Variants in RPAP2 observed in about 807,000 individuals in gnomAD.
The protein encoded by RPAP2 is putative RNA polymerase II subunit B1 CTD phosphatase RPAP2.
A neutral mutation model predicts 73.1 loss-of-function variants in RPAP2; 52 were observed. That is an observed-to-expected ratio of 0.71 (90% CI 0.57 to 0.90). The LOEUF (loss-of-function observed/expected upper bound fraction) is 0.90, where lower values mean the gene tolerates loss of function less well. Ranked by LOEUF, RPAP2 falls within the 40% of genes least tolerant of loss-of-function variation. The pLI, the probability that RPAP2 is intolerant of heterozygous loss-of-function variation, is 0.00. For synonymous variants in RPAP2, 225 were observed against 242.1 expected, an observed-to-expected ratio of 0.93 and a Z score of 0.65; for missense variants, 598 against 701.8, an observed-to-expected ratio of 0.85 and a Z score of 1.67.
At chr1:92,347,792 T>C (rs1275228050) in intron 11 of RPAP2, among the ~76,000 whole-genome samples, 1 of 152,230 alleles carries the variant, frequency 6.6e-6, no homozygotes, top group African/African-American at 2.4e-5. Context: ...GGATATAATG[T>C]AGGGAACCTC....
intron 3 of RPAP2, 33 bp from the exon 4 acceptor site, chr1:92,303,944 C>G (rs748516957): frequency 7.0e-7 from 1 of 1,438,038 alleles, no homozygotes; most frequent in Non-Finnish European, 9.7e-7. Context: ...TTCTATTAAA[C>G]TAGGAGGAAA....
intron 6 of RPAP2, among the ~76,000 whole-genome samples, chr1:92,312,801 C>T (rs1226528543): frequency 6.6e-6 from 1 of 151,972 alleles, no homozygotes; most frequent in Non-Finnish European, 1.5e-5. Context: ...CCCATGAATC[C>T]CAAATGTTCT....
At chr1:92,377,455 T>A (rs1236324274) in intron 11 of RPAP2, among the ~76,000 whole-genome samples, 1 of 143,876 alleles carries the variant, frequency 7.0e-6, no homozygotes, top group South Asian at 2.2e-4. Flanking sequence ...GAGGCGGAGG[T>A]TGCAGTGAGC....
In RPAP2 at chr1:92,400,193, C is replaced by A. The variant is rs1656280620; in HGVS notation, c.*13182C>A. ...CCCACTTGGGATTAGGGAAGCCACC[C>A]TCTGTGAGTGAGTTAAACTGAGATT... On this transcript the variant is annotated 3_prime_UTR_variant, in exon 13 of 13. Coordinates refer to ENST00000610020, the MANE Select transcript of RPAP2 (RefSeq NM_024813.3). The A allele has an allele frequency of 6.6e-6, 1 of 152,224 alleles. No individual in the cohort carries two copies. The highest frequency in any genetic ancestry group is 2.4e-5 in the African/African-American group (1 of 41,462). 9.4% of individuals were successfully genotyped at this position (152,224 alleles called of 1,614,324 possible).
At chr1:92,326,975 C>G (rs1348137955) in intron 8 of RPAP2, among the ~76,000 whole-genome samples, 2 of 152,188 alleles carry the variant, frequency 1.3e-5, no homozygotes, top group East Asian at 3.8e-4. Flanking sequence ...CAGGAGACTT[C>G]CTGTTCATTT....
chr1:92,315,965 C>A (rs1651881614), intron 6 of RPAP2, among the ~76,000 whole-genome samples: 1 of 152,190 alleles, frequency 6.6e-6, no homozygotes, highest in African/African-American at 2.4e-5. Context: ...CAGAAACAGA[C>A]CACATAGAGT....
chr1:92,373,136 A>G (rs1335911411), intron 11 of RPAP2, among the ~76,000 whole-genome samples: 5 of 151,848 alleles, frequency 3.3e-5, no homozygotes, highest in African/African-American at 1.2e-4. Context: ...ATAGACAATT[A>G]TTAATGATGA....
chr1:92,348,331 C>T (rs1295978305), intron 11 of RPAP2, among the ~76,000 whole-genome samples: 2 of 152,262 alleles, frequency 1.3e-5, no homozygotes, highest in Non-Finnish European at 2.9e-5. Flanking sequence ...AACTGGACAA[C>T]TAAAATCTTC....
chr1:92,379,172 A>G (rs1050309254), intron 11 of RPAP2, among the ~76,000 whole-genome samples: 1 of 152,224 alleles, frequency 6.6e-6, no homozygotes, highest in African/African-American at 2.4e-5. Context: ...TTTCACACTG[A>G]CTACTATGGA....
intron 6 of RPAP2, among the ~76,000 whole-genome samples, chr1:92,311,372 A>G (rs1372836558): frequency 6.6e-6 from 1 of 152,238 alleles, no homozygotes; most frequent in Non-Finnish European, 1.5e-5. Flanking sequence ...TGAAAATTAA[A>G]ATTATCTGCT....
At chr1:92,310,987 A>G (rs1205273183) in intron 6 of RPAP2, among the ~76,000 whole-genome samples, 1 of 152,248 alleles carries the variant, frequency 6.6e-6, no homozygotes, top group Non-Finnish European at 1.5e-5. Flanking sequence ...ACATTATCTC[A>G]TATATGCATA....
At chr1:92,337,863 T>C (rs1355563521) in intron 10 of RPAP2, among the ~76,000 whole-genome samples, 1 of 152,182 alleles carries the variant, frequency 6.6e-6, no homozygotes, top group Non-Finnish European at 1.5e-5. Flanking sequence ...TTGTGACTAC[T>C]AGTAGGTAAT....
At chr1:92,367,909 T>A (rs968160045) in intron 11 of RPAP2, among the ~76,000 whole-genome samples, 1 of 152,218 alleles carries the variant, frequency 6.6e-6, no homozygotes. Context: ...AATCCTTCTA[T>A]GAGAGAGTTA....
chr1:92,336,538 T>C, intron 10 of RPAP2, 111 bp downstream of exon 10: 1 of 697,234 alleles, frequency 1.4e-6, no homozygotes, highest in Admixed American at 2.6e-5. Context: ...ATGTCACAGA[T>C]CTAAATACAG....
chr1:92,353,694 A>G (rs1654326166), intron 11 of RPAP2, among the ~76,000 whole-genome samples: 1 of 152,136 alleles, frequency 6.6e-6, no homozygotes, highest in Non-Finnish European at 1.5e-5. Flanking sequence ...CACCTTTGTC[A>G]TTGTGAAGTT....
At position 92,307,243 on chromosome 1, in the gene RPAP2, C is replaced by T; in HGVS notation, c.455C>T (p.Pro152Leu). The change falls in exon 6 of 13, where the codon CCC becomes CTC. Residue 152 changes from proline (P) to leucine (L), a missense_variant. Around this residue, in one of 3 missense-constraint regions of RPAP2, gnomAD observed 506 missense variants for 612.8 expected, o/e 0.83. Transcript: ENST00000610020. Reference protein sequence around the residue: ...QASKFFEAQIPKTPVWVREEE... With the variant: ...QASKFFEAQILKTPVWVREEE... Reference sequence around the variant, plus strand: ...TCTAAGTTTTTTGAAGCACAAATTCCCAAAACTCCAGTATGGGTTCGAGAA... The same window carrying T: ...TCTAAGTTTTTTGAAGCACAAATTCTCAAAACTCCAGTATGGGTTCGAGAA... 1.9e-6 allele frequency: 3 copies of T among 1,612,238 alleles called. No individual in the cohort carries two copies. The highest frequency in any genetic ancestry group is 2.5e-6 in the Non-Finnish European group (3 of 1,179,156).
At position 92,378,673 on chromosome 1, in the gene RPAP2, A is replaced by G. The variant is rs1261908487; in HGVS notation, c.1689-2051A>G. Among the ~76,000 whole-genome samples, 3 of 152,166 alleles carry G rather than the reference A, an allele frequency of 2.0e-5. No individual in the cohort carries two copies. In the East Asian group the frequency reaches 5.8e-4, roughly 29 times the overall value. The stretch of plus-strand genomic sequence containing the variant: ...GCAACTTAATATTTTAAATGTTGAC[A>G]TCACTTAAGTATTGGAAAAGCTAGA... On this transcript the variant is annotated intron_variant, in intron 11 of 12. Transcript: ENST00000610020.
At position 92,323,930 on chromosome 1, in the gene RPAP2, T is replaced by G; in HGVS notation, c.1010T>G (p.Phe337Cys). 6.2e-7 allele frequency: 1 copy of G among 1,614,164 alleles called. No individual in the cohort carries two copies. Among genetic ancestry groups the G allele is most frequent in the Non-Finnish European group, 8.5e-7 (1 of 1,180,006 alleles). ...ATAAGTAAGAAAAGTGCAGAGCATT[T>G]TAAGAGAAAATTTGCCAAATCAAAC... Reference protein sequence around the residue: ...VGISKKSAEHFKRKFAKSNQV... With the variant: ...VGISKKSAEHCKRKFAKSNQV... Residue 337 changes from phenylalanine to cysteine, a missense_variant, in exon 8 of 13, where the codon TTT (phenylalanine) becomes TGT (cysteine). Around this residue, in one of 3 missense-constraint regions of RPAP2, gnomAD observed 506 missense variants for 612.8 expected, o/e 0.83. Transcript: ENST00000610020.
chr1:92,364,794 G>A (rs376182402), intron 11 of RPAP2, among the ~76,000 whole-genome samples: 2 of 152,034 alleles, frequency 1.3e-5, no homozygotes, highest in Non-Finnish European at 2.9e-5. Flanking sequence ...TCTCCTTGCC[G>A]TGTGTCTCTT....
Sources: allele counts gnomAD v4.1 joint callset (sites outside exome capture counted in the v4.1 genomes callset), GRCh38; gene constraint gnomAD v4.1.1; regional missense constraint gnomAD v4.1.1; transcripts MANE v1.5; gene names NCBI Gene and HGNC (gene_info 2026-07-23, HGNC 2026-07-21).